Variants in HS6ST2 observed in about 807,000 individuals in gnomAD.
The protein encoded by HS6ST2 is heparan sulfate 6-O-sulfotransferase 2.
Under a neutral mutation model 33.0 loss-of-function variants are expected in HS6ST2, and 17 were observed. That is an observed-to-expected ratio of 0.52 (90% CI 0.35 to 0.77). The LOEUF (loss-of-function observed/expected upper bound fraction) is 0.77, where lower values mean the gene tolerates loss of function less well. HS6ST2 is among the 30% of genes least tolerant of loss of function. The probability of loss-of-function intolerance (pLI) is 0.01; values close to 1 mark genes in which losing one functional copy is unlikely to be tolerated. For synonymous variants in HS6ST2, 248 were observed against 237.1 expected (o/e 1.05, Z -0.42); for missense variants, 519 against 551.7 (o/e 0.94, Z 0.59).
chrX:132,960,366 C>G (rs1402730843), upstream of HS6ST2, among the ~76,000 whole-genome samples: 1 of 110,517 alleles, frequency 9.0e-6, no homozygotes, highest in Non-Finnish European at 1.9e-5. Context: ...CTCATGGTGT[C>G]GCATAAAGAT....
intron 2 of HS6ST2, among the ~76,000 whole-genome samples, chrX:132,786,071 T>C (rs2065057994): frequency 8.9e-6 from 1 of 112,197 alleles, no homozygotes; most frequent in Middle Eastern, 4.6e-3. Flanking sequence ...GGAATCATAA[T>C]AGTTTCTACT....
chrX:132,856,706 A>G (rs943428164), intron 2 of HS6ST2, among the ~76,000 whole-genome samples: 3 of 111,943 alleles, frequency 2.7e-5, no homozygotes, highest in African/African-American at 9.7e-5. Context: ...AAAAAGAAAG[A>G]TGTAAAAACA....
intron 2 of HS6ST2, among the ~76,000 whole-genome samples, chrX:132,818,709 T>C (rs1019466490): frequency 1.8e-5 from 2 of 112,326 alleles, no homozygotes. Flanking sequence ...TAAAAGCCAG[T>C]CTATTTTCTG....
chrX:132,727,019 T>A (rs970999095), intron 2 of HS6ST2, among the ~76,000 whole-genome samples: 1 of 111,473 alleles, frequency 9.0e-6, no homozygotes, highest in Non-Finnish European at 1.9e-5. Flanking sequence ...AATTTTTATA[T>A]CTCATTTTTG....
At chrX:132,731,866 A>T in intron 2 of HS6ST2, among the ~76,000 whole-genome samples, 1 of 108,806 alleles carries the variant, frequency 9.2e-6, no homozygotes, top group East Asian at 3.0e-4. Flanking sequence ...GGAAAAAAAA[A>T]AGGAAATTGG....
intron 2 of HS6ST2, among the ~76,000 whole-genome samples, chrX:132,778,000 G>A (rs2064980982): frequency 8.9e-6 from 1 of 112,023 alleles, no homozygotes; most frequent in African/African-American, 3.2e-5. Context: ...TTCCGATTAT[G>A]CAGCAGACAC....
At chrX:132,719,194 A>G (rs952377125) in intron 2 of HS6ST2, among the ~76,000 whole-genome samples, 5 of 111,522 alleles carry the variant, frequency 4.5e-5, no homozygotes, top group African/African-American at 1.6e-4. Flanking sequence ...AAACCTATCA[A>G]AGTTGGAAGG....
intron 2 of HS6ST2, among the ~76,000 whole-genome samples, chrX:132,709,577 A>G: frequency 9.0e-6 from 1 of 110,815 alleles, no homozygotes; most frequent in East Asian, 2.8e-4. Flanking sequence ...AACAAAAGCG[A>G]TATACTTGGT....
At chrX:132,877,808 G>A (rs2066123297) in intron 2 of HS6ST2, among the ~76,000 whole-genome samples, 1 of 110,620 alleles carries the variant, frequency 9.0e-6, no homozygotes, top group Non-Finnish European at 1.9e-5. Context: ...GGGAACATAA[G>A]AGAGCAGATG....
At chrX:132,813,084 C>T (rs983310477) in intron 2 of HS6ST2, among the ~76,000 whole-genome samples, 4 of 111,827 alleles carry the variant, frequency 3.6e-5, no homozygotes, top group African/African-American at 1.3e-4. Flanking sequence ...AAAGAGTTGT[C>T]TACATTTATG....
chrX:132,874,061 C>G (rs1451547816), intron 2 of HS6ST2, among the ~76,000 whole-genome samples: 2 of 111,198 alleles, frequency 1.8e-5, no homozygotes, highest in African/African-American at 3.3e-5. Context: ...CACTGCCCTC[C>G]GCGAGGTCTA....
intron 2 of HS6ST2, among the ~76,000 whole-genome samples, chrX:132,839,266 G>C (rs1032798909): frequency 1.1e-4 from 9 of 78,353 alleles, no homozygotes; most frequent in Non-Finnish European, 1.4e-4. Context: ...AGAAAATGTA[G>C]TGTGTGTATA....
chrX:132,734,931 C>T (rs1162302944), intron 2 of HS6ST2, among the ~76,000 whole-genome samples: 2 of 105,210 alleles, frequency 1.9e-5, no homozygotes, highest in African/African-American at 7.2e-5. Flanking sequence ...GACTAGAGAT[C>T]AGTACAGCTA....
At chrX:132,905,761 A>AC (rs1439590807) in intron 2 of HS6ST2, among the ~76,000 whole-genome samples, 1 of 112,266 alleles carries the variant, frequency 8.9e-6, no homozygotes, top group East Asian at 2.8e-4. Flanking sequence ...ATTAAAAAAA[A>AC]TTAAAAGAAT....
intron 2 of HS6ST2, among the ~76,000 whole-genome samples, chrX:132,954,702 C>T (rs1413092073): frequency 8.9e-6 from 1 of 112,186 alleles, no homozygotes; most frequent in Non-Finnish European, 1.9e-5. Flanking sequence ...TTCATTTTTG[C>T]AAACACCGTA....
chrX:132,877,800 G>A (rs2066123059), intron 2 of HS6ST2, among the ~76,000 whole-genome samples: 1 of 110,631 alleles, frequency 9.0e-6, no homozygotes, highest in Non-Finnish European at 1.9e-5. Flanking sequence ...GACAAGCAGG[G>A]AACATAAGAG....
intron 2 of HS6ST2, among the ~76,000 whole-genome samples, chrX:132,856,843 T>C (rs2065856204): frequency 8.9e-6 from 1 of 112,022 alleles, no homozygotes; most frequent in Non-Finnish European, 1.9e-5. Flanking sequence ...ATATTTACTA[T>C]AAGCAGTCAA....
At chrX:132,631,647 G>A (rs940676879) in intron 4 of HS6ST2, among the ~76,000 whole-genome samples, 1 of 110,830 alleles carries the variant, frequency 9.0e-6, no homozygotes, top group African/African-American at 3.3e-5. Flanking sequence ...TGACACATTT[G>A]GATTAACCTT....
chrX:132,940,021 AGATTCGCACTTCCTGC>A (rs1355330958), intron 2 of HS6ST2, among the ~76,000 whole-genome samples: 1 of 112,291 alleles, frequency 8.9e-6, no homozygotes, highest in Non-Finnish European at 1.9e-5. Flanking sequence ...AATAAATAAA[AGATTCGCACTTCCTGC>A]TTTCAAAACT....
Sources: allele counts gnomAD v4.1 joint callset (sites outside exome capture counted in the v4.1 genomes callset), GRCh38; gene constraint gnomAD v4.1.1; transcripts MANE v1.5; gene names NCBI Gene and HGNC (gene_info 2026-07-23, HGNC 2026-07-21).